The following ANKRD13C variants were observed in gnomAD, a reference collection of about 807,000 sequenced individuals.
ANKRD13C encodes the protein ankyrin repeat domain-containing protein 13C.
Under a neutral mutation model 65.5 loss-of-function variants are expected in ANKRD13C, and 16 were observed. The observed-to-expected ratio is 0.24, with a 90% CI of 0.17 to 0.37. ANKRD13C has a LOEUF of 0.37. ANKRD13C is among the 10% of genes least tolerant of loss of function. The probability of loss-of-function intolerance (pLI) is 1.00; values close to 1 mark genes in which losing one functional copy is unlikely to be tolerated. For synonymous variants in ANKRD13C, 235 were observed against 238.7 expected (o/e 0.98, Z 0.14); for missense variants, 503 against 655.9 (o/e 0.77, Z 2.55).
intron 12 of ANKRD13C, among the ~76,000 whole-genome samples, chr1:70,265,824 CAAAAAAAAAAAA>C (rs775757290): frequency 1.4e-4 from 5 of 35,442 alleles, no homozygotes; most frequent in Non-Finnish European, 2.1e-4. Flanking sequence ...GACCTTGCCT[CAAAAAAAAAAAA>C]AAAAAAAAAA....
At chr1:70,265,392 T>G (rs1678571328) in intron 12 of ANKRD13C, among the ~76,000 whole-genome samples, 1 of 152,096 alleles carries the variant, frequency 6.6e-6, no homozygotes, top group Non-Finnish European at 1.5e-5. Context: ...GAGATTAGTA[T>G]AAAAACAGAA....
At chr1:70,283,159 G>A (rs945126106) in intron 9 of ANKRD13C, among the ~76,000 whole-genome samples, 1 of 151,520 alleles carries the variant, frequency 6.6e-6, no homozygotes. Context: ...TTTTTTCAAG[G>A]AATCCCAAAT....
At chr1:70,274,691 T>C (rs1387089153) in intron 11 of ANKRD13C, 29 bp downstream of exon 11, 1 of 1,484,642 alleles carries the variant, frequency 6.7e-7, no homozygotes, top group Non-Finnish European at 9.4e-7. Context: ...GTTTCTTTCA[T>C]AAACATTTGT....
chr1:70,312,632 G>A (rs1438641791), intron 5 of ANKRD13C, among the ~76,000 whole-genome samples: 2 of 149,448 alleles, frequency 1.3e-5, no homozygotes, highest in Admixed American at 6.7e-5. Context: ...ATATGCATAC[G>A]TGCCTGGGCG....
rs749009891 is a variant in ANKRD13C, at chr1:70,351,228, A to G, written c.430+2751T>C. Among the ~76,000 whole-genome samples, 88 of 152,190 alleles carry G rather than the reference A, an allele frequency of 5.8e-4. 1 individual carries two copies. The highest frequency in any genetic ancestry group is 2.6e-4 in the Non-Finnish European group (18 of 68,034). ...AAATTGTGTCTATAATAAGGACAATAATCATCACTGTCATCATCATGTTGT... is the reference window on the plus strand; with the variant it reads ...AAATTGTGTCTATAATAAGGACAATGATCATCACTGTCATCATCATGTTGT... On this transcript the variant is annotated intron_variant, in intron 1 of 12. Coordinates refer to ENST00000370944, the MANE Select transcript of ANKRD13C (RefSeq NM_030816.5).
At position 70,259,526 on chromosome 1, in the gene ANKRD13C, T is replaced by C. The variant is rs2101076960; in HGVS notation, c.*3191A>G. 6.6e-6 allele frequency among the ~76,000 whole-genome samples: 1 copy of C among 152,272 alleles called. No homozygotes were observed. The highest frequency in any genetic ancestry group is 6.5e-5 in the Admixed American group (1 of 15,294). Reference sequence around the variant, plus strand: ...AGGATGGTTTGCATGATGTAAAAAATGTGATTCTTAACATGTTATGAAATT... The same window carrying C: ...AGGATGGTTTGCATGATGTAAAAAACGTGATTCTTAACATGTTATGAAATT... On this transcript the variant is annotated 3_prime_UTR_variant, in exon 13 of 13. Transcript: ENST00000370944.
intron 6 of ANKRD13C, among the ~76,000 whole-genome samples, chr1:70,302,416 G>A (rs1340835642): frequency 1.3e-5 from 2 of 152,100 alleles, no homozygotes; most frequent in African/African-American, 2.4e-5. Context: ...ATCATTGCTT[G>A]AGCATGTGTC....
intron 3 of ANKRD13C, among the ~76,000 whole-genome samples, chr1:70,319,616 A>AAAAAAAAAAAAAAAAAGAAACC (rs1242028047): frequency 6.6e-6 from 1 of 151,256 alleles, no homozygotes; most frequent in African/African-American, 2.4e-5. Context: ...TCAAAAAAAA[A>AAAAAAAAAAAAAAAAAGAAACC]AAGAAACCAA....
intron 8 of ANKRD13C, among the ~76,000 whole-genome samples, chr1:70,295,702 C>T (rs1680053504): frequency 1.3e-5 from 2 of 151,846 alleles, no homozygotes; most frequent in Non-Finnish European, 2.9e-5. Context: ...GTTATTTAAT[C>T]TTACTCATAT....
intron 2 of ANKRD13C, among the ~76,000 whole-genome samples, chr1:70,333,819 G>A (rs922939958): frequency 4.2e-4 from 64 of 152,244 alleles, no homozygotes; most frequent in African/African-American, 1.5e-3. Flanking sequence ...AAGGAAATAG[G>A]AGAATGACTG....
chr1:70,329,535 G>T (rs1334687970), intron 2 of ANKRD13C, among the ~76,000 whole-genome samples: 1 of 149,982 alleles, frequency 6.7e-6, no homozygotes, highest in Non-Finnish European at 1.5e-5. Flanking sequence ...AAAAAGAAAA[G>T]AAAAAGAAAA....
chr1:70,296,746 G>C (rs887843662), intron 7 of ANKRD13C, among the ~76,000 whole-genome samples: 2 of 152,098 alleles, frequency 1.3e-5, no homozygotes, highest in East Asian at 3.9e-4. Context: ...ATTGTAAGTG[G>C]AAGAAAGGAA....
chr1:70,297,238 T>C (rs1323027994), intron 7 of ANKRD13C, among the ~76,000 whole-genome samples: 1 of 151,754 alleles, frequency 6.6e-6, no homozygotes, highest in Non-Finnish European at 1.5e-5. Context: ...AAGAGGCCCA[T>C]TTTCTATTCT....
At chr1:70,296,093 C>A in intron 8 of ANKRD13C, 37 bp downstream of exon 8, 1 of 1,601,476 alleles carries the variant, frequency 6.2e-7, no homozygotes, top group Non-Finnish European at 8.5e-7. Context: ...AAATACCGAA[C>A]AATGCTTAAA....
At chr1:70,313,236 T>C (rs1434582010) in intron 5 of ANKRD13C, among the ~76,000 whole-genome samples, 1 of 152,112 alleles carries the variant, frequency 6.6e-6, no homozygotes, top group African/African-American at 2.4e-5. Context: ...ACCTTAAAAA[T>C]ATAAACTATT....
chr1:70,346,918 C>T (rs890597207), intron 1 of ANKRD13C, among the ~76,000 whole-genome samples: 2 of 151,708 alleles, frequency 1.3e-5, no homozygotes, highest in Non-Finnish European at 1.5e-5. Context: ...GGTGAAACCC[C>T]GTCTCTACTA....
chr1:70,322,825 T>C (rs1040048134), intron 3 of ANKRD13C, among the ~76,000 whole-genome samples: 2 of 152,036 alleles, frequency 1.3e-5, no homozygotes, highest in African/African-American at 4.8e-5. Context: ...AAACCCCAAC[T>C]ATACTAAAAC....
intron 1 of ANKRD13C, among the ~76,000 whole-genome samples, 171 bp downstream of exon 1, chr1:70,353,808 A>G (rs1440573972): frequency 6.6e-6 from 1 of 151,938 alleles, no homozygotes; most frequent in Non-Finnish European, 1.5e-5. Context: ...ACAAGAACCA[A>G]CCCCTTGACC....
chr1:70,302,598 C>T (rs1572090953), intron 6 of ANKRD13C, among the ~76,000 whole-genome samples: 1 of 134,042 alleles, frequency 7.5e-6, no homozygotes, highest in African/African-American at 2.9e-5. Flanking sequence ...TAGTGGCGGG[C>T]GCCTGTAGTC....
Sources: gnomAD v4.1 joint callset for allele counts (sites outside exome capture counted in the v4.1 genomes callset) on GRCh38, gnomAD v4.1.1 for gene constraint, MANE v1.5 for transcripts, NCBI Gene and HGNC (gene_info 2026-07-23, HGNC 2026-07-21) for gene names.